PKD1: variants seen among roughly 807,000 people sequenced by gnomAD.
The protein encoded by PKD1 is polycystin 1, transient receptor potential channel interacting.
A neutral mutation model predicts 361.7 loss-of-function variants in PKD1; 81 were observed. The ratio of observed to expected loss-of-function variants is 0.22; its 90% CI spans 0.19 to 0.27. The LOEUF is 0.27. Ranked by LOEUF, PKD1 falls within the 10% of genes least tolerant of loss-of-function variation. PKD1 has a pLI of 1.00. For synonymous variants in PKD1, 3,615 were observed against 2,818.3 expected (o/e 1.28, Z -8.95); for missense variants, 6,399 against 6,118.3 (o/e 1.05, Z -1.53).
At chr16:2,128,791 G>A (rs964429659) in intron 1 of PKD1, among the ~76,000 whole-genome samples, 16 of 151,974 alleles carry the variant, frequency 1.1e-4, no homozygotes, top group African/African-American at 3.1e-4. Context: ...TGCGACCTCT[G>A]CCTCCCAGGT....
rs756347099 is a variant in PKD1 at position 2,103,605 on chromosome 16, T to G, written c.8452A>C (p.Asn2818His). 29 of 1,610,294 alleles carry G rather than the reference T, an allele frequency of 1.8e-5. No individual in the cohort carries two copies. Among genetic ancestry groups the G allele is most frequent in the Non-Finnish European group, 2.3e-5 (27 of 1,179,720 alleles). The change falls in exon 23 of 46, where the codon AAC becomes CAC. Residue 2818 changes from asparagine (N) to histidine (H), a missense_variant. Transcript: ENST00000262304. Reference sequence around the variant, plus strand: ...ATGAGCTGCACCACGTCACTGAGGTTGGCCAGGGCCCCGCTGAAAGCCTCG... The same window carrying G: ...ATGAGCTGCACCACGTCACTGAGGTGGGCCAGGGCCCCGCTGAAAGCCTCG... The part of the protein sequence containing the change: ...IPEAFSGALA[N>H]LSDVVQLIFL...
rs557954091 is a variant in PKD1, at chr16:2,106,173, G to C, written c.7621C>G (p.Pro2541Ala). 10 of 1,609,580 alleles carry C rather than the reference G, an allele frequency of 6.2e-6. No homozygotes were observed. In the East Asian group the frequency reaches 6.7e-5, roughly 11 times the overall value. Residue 2541 changes from proline (P) to alanine (A), a missense_variant, in exon 19 of 46, where the codon CCG (proline) becomes GCG (alanine). Pro to Ala is a conservative substitution (Grantham distance 27). Coordinates refer to ENST00000262304, the MANE Select transcript of PKD1 (RefSeq NM_001009944.3). This position sits in a 1 kb window ranked among gnomAD's most constrained non-coding sequence, Gnocchi z 6.5. ...ACCTCGAAGTGTGGCCTGAAACCCG[G>C]GGGCAGCACGGCTCCGTAGCTGGAG... ...SLSSYGAVLP[P>A]GFRPHFEVGL... is the part of the protein sequence containing the mutation.
At chr16:2,131,559 C>T (rs1359456214) in intron 1 of PKD1, among the ~76,000 whole-genome samples, 1 of 151,940 alleles carries the variant, frequency 6.6e-6, no homozygotes, top group Non-Finnish European at 1.5e-5. Context: ...TCACTCACAC[C>T]TGTAATCCCA....
chr16:2,122,015 T>C (rs183424582), intron 1 of PKD1, among the ~76,000 whole-genome samples: 6 of 152,336 alleles, frequency 3.9e-5, no homozygotes, highest in Non-Finnish European at 7.4e-5. Flanking sequence ...CACAGGAGCC[T>C]ACCCGGCGCA....
intron 1 of PKD1, chr16:2,123,513 C>A (rs1396090151): frequency 4.4e-6 from 2 of 456,428 alleles, no homozygotes; most frequent in Non-Finnish European, 8.8e-6. Context: ...TTTGCCATCG[C>A]CGTTCTGGGG....
In PKD1 at chr16:2,091,179, G is replaced by A. The variant is rs778989685; in HGVS notation, c.11713-5C>T. 2.2e-5 allele frequency: 31 copies of A among 1,404,466 alleles called. No homozygotes were observed. Among genetic ancestry groups the A allele is most frequent in the South Asian group, 1.8e-4 (12 of 68,338 alleles). 87.0% of individuals were successfully genotyped at this position (1,404,466 alleles called of 1,614,324 possible). Reference sequence around the variant, plus strand: ...GGCGAACAGCAGCAGGCACACCTGTGGGGGGCGCGGTCAGGAGGGCGGGAG... The same window carrying A: ...GGCGAACAGCAGCAGGCACACCTGTAGGGGGCGCGGTCAGGAGGGCGGGAG... On this transcript the variant is annotated splice_polypyrimidine_tract_variant and splice_region_variant and intron_variant, in intron 42 of 45. Coordinates refer to ENST00000262304, the MANE Select transcript of PKD1 (RefSeq NM_001009944.3).
In PKD1 at chr16:2,092,036, G is replaced by C; in HGVS notation, c.11411+11C>G. On this transcript the variant is annotated intron_variant, in intron 40 of 45. Coordinates refer to ENST00000262304, the MANE Select transcript of PKD1 (RefSeq NM_001009944.3). ...CTTGGCGTAGACGCCCGGGGCCCTCGCTCTGCTCACCCCAGCAGATCCGGC... is the reference window on the plus strand; with the variant it reads ...CTTGGCGTAGACGCCCGGGGCCCTCCCTCTGCTCACCCCAGCAGATCCGGC... 6.2e-7 allele frequency: 1 copy of C among 1,612,694 alleles called. No homozygotes were observed.
intron 41 of PKD1, 41 bp from the exon 42 acceptor site, chr16:2,091,638 CG>C: frequency 6.4e-7 from 1 of 1,556,278 alleles, no homozygotes; most frequent in Non-Finnish European, 8.6e-7. Context: ...GGTGGCAGGG[CG>C]GGAGCTGCGG....
At position 2,102,917 on chromosome 16, in the gene PKD1, C is replaced by T; in HGVS notation, c.8845G>A (p.Glu2949Lys). Residue 2949 changes from glutamate to lysine, a missense_variant, in exon 24 of 46, where the codon GAG becomes AAG. Transcript: ENST00000262304. ...EPYLAVYLHSEPRPNEHNCSA... is the reference protein window; with the variant it reads ...EPYLAVYLHSKPRPNEHNCSA... Reference sequence around the variant, plus strand: ...CAGTTGTGCTCATTGGGCCGGGGCTCCGAGTGTAGGTAGACTGCCAGGTAG... The same window carrying T: ...CAGTTGTGCTCATTGGGCCGGGGCTTCGAGTGTAGGTAGACTGCCAGGTAG... 3.7e-6 allele frequency: 6 copies of T among 1,609,504 alleles called. No homozygotes were observed. The highest frequency in any genetic ancestry group is 3.4e-6 in the Non-Finnish European group (4 of 1,179,762).
At position 2,109,989 on chromosome 16, in the gene PKD1, G is replaced by T. The variant is rs1488945914; in HGVS notation, c.5178C>A (p.Ser1726=). 6.2e-7 allele frequency: 1 copy of T among 1,609,992 alleles called. No individual in the cohort carries two copies. Among genetic ancestry groups the T allele is most frequent in the Non-Finnish European group, 8.5e-7 (1 of 1,179,470 alleles). ...EPVGWLMVAA[S]PNPAAVNTSV... Reference sequence around the variant, plus strand: ...TTGTGTTGACGGCAGCTGGGTTCGGGGAGGCGGCCACCATCAGCCACCCCA... The same window carrying T: ...TTGTGTTGACGGCAGCTGGGTTCGGTGAGGCGGCCACCATCAGCCACCCCA... The change falls in exon 15 of 46, where the codon TCC becomes TCA. Residue 1726 remains serine, a synonymous_variant. Coordinates refer to ENST00000262304, the MANE Select transcript of PKD1 (RefSeq NM_001009944.3).
At chr16:2,091,725 G>A in intron 41 of PKD1, 56 bp downstream of exon 41, 1 of 1,597,030 alleles carries the variant, frequency 6.3e-7, no homozygotes, top group Non-Finnish European at 8.5e-7. Context: ...AGTGAGGGTG[G>A]GCTCCTGGCT....
intron 1 of PKD1, among the ~76,000 whole-genome samples, chr16:2,122,932 AAAG>A (rs1195647852): frequency 1.3e-5 from 2 of 152,144 alleles, no homozygotes; most frequent in African/African-American, 2.4e-5. Context: ...GGGAGAAAGG[AAAG>A]AAGGAAAAGC....
rs752007034 is a variant in PKD1 at position 2,108,944 on chromosome 16, G to A, written c.6223C>T (p.Arg2075Cys). Residue 2075 changes from arginine to cysteine, a missense_variant, in exon 15 of 46, where the codon CGC (arginine) becomes TGC (cysteine). Physicochemically the swap from Arg to Cys is radical, Grantham distance 180. Transcript: ENST00000262304. ...GTGGCGGCCTCAAACTGCGCCGAGC[G>A]GTTGGTGAAGCAGGGGCCGCTCTGC... is the stretch of plus-strand genomic sequence containing the variant. ...ALQSGPCFTN[R>C]SAQFEAATSP... 84 of 1,605,868 alleles carry A rather than the reference G, an allele frequency of 5.2e-5. No homozygotes were observed. Among genetic ancestry groups the A allele is most frequent in the East Asian group, 2.5e-4 (11 of 44,540 alleles).
chr16:2,095,643 G>A (rs532128507), intron 34 of PKD1, among the ~76,000 whole-genome samples: 6 of 152,326 alleles, frequency 3.9e-5, no homozygotes, highest in African/African-American at 1.4e-4. Flanking sequence ...CACGGGACGC[G>A]CTGGAGGCTG....
At position 2,100,069 on chromosome 16, in the gene PKD1, C is replaced by T. The variant is rs774484157; in HGVS notation, c.9715G>A (p.Asp3239Asn). 22 of 1,600,790 alleles carry T rather than the reference C, an allele frequency of 1.4e-5. No individual in the cohort carries two copies. The highest frequency in any genetic ancestry group is 7.8e-5 in the South Asian group (7 of 89,982). ...LVEKEVLAAS[D>N]AALLRFRRLL... Reference sequence around the variant, plus strand: ...CGCCGGAAGCGCAAAAGGGCTGCGTCGCCTAGAAGGCAGGGAGGGCCGCAC... The same window carrying T: ...CGCCGGAAGCGCAAAAGGGCTGCGTTGCCTAGAAGGCAGGGAGGGCCGCAC... The change falls in exon 29 of 46, where the codon GAC (aspartate) becomes AAC (asparagine). Residue 3239 changes from aspartate (D) to asparagine (N), a missense_variant and splice_region_variant. By Grantham distance (23) the Asp-to-Asn change is conservative. Coordinates refer to ENST00000262304, the MANE Select transcript of PKD1 (RefSeq NM_001009944.3). This position sits in a 1 kb window ranked among gnomAD's most constrained non-coding sequence, Gnocchi z 4.4.
chr16:2,112,244 G>A (rs1567205274), intron 14 of PKD1, 96 bp downstream of exon 14: 3 of 1,086,294 alleles, frequency 2.8e-6, no homozygotes, highest in South Asian at 2.6e-5. Context: ...AGTGAGGGCT[G>A]TTGGGGAGGA....
Position 2,116,024 on chromosome 16 carries a change from C to T in PKD1, c.1817G>A (p.Arg606Gln). 1.3e-6 allele frequency: 2 copies of T among 1,546,380 alleles called. No individual in the cohort carries two copies. The highest frequency in any genetic ancestry group is 1.7e-6 in the Non-Finnish European group (2 of 1,144,992). ...TQELRRPAQL[R>Q]LQVYRLLSTA... is the part of the protein sequence containing the mutation. The stretch of plus-strand genomic sequence containing the variant: ...GCTGAGGAGCCGGTACACCTGCAGC[C>T]GCAGCTGGGCGGGCCGCCGGAGCTC... Residue 606 changes from arginine to glutamine, a missense_variant, in exon 9 of 46, where the codon CGG (arginine) becomes CAG (glutamine). Arg to Gln is a conservative substitution (Grantham distance 43, BLOSUM62 1). Coordinates refer to ENST00000262304, the MANE Select transcript of PKD1 (RefSeq NM_001009944.3).
rs1205029976 is a variant in PKD1 at position 2,113,164 on chromosome 16, G to A, written c.2982C>T (p.Leu994=). Residue 994 remains leucine, a synonymous_variant, in exon 12 of 46, where the codon CTC becomes CTT. Transcript: ENST00000262304. ...VIYQSAAVFK[L]SLTASNHVSN... ...CTCCCCACCCCCGCCCACCTACTGA[G>A]AGCTTGAAGACCGCCGCGCTCTGAT... 1.2e-6 allele frequency: 1 copy of A among 816,986 alleles called. No homozygotes were observed. The highest frequency in any genetic ancestry group is 2.0e-6 in the Non-Finnish European group (1 of 498,144). 50.6% of individuals were successfully genotyped at this position (816,986 alleles called of 1,614,324 possible).
Position 2,090,691 on chromosome 16 carries a change from C to A in PKD1, c.12121G>T (p.Ala4041Ser). ...LGLVVLGVAY[A>S]QLAILLVSSC... Reference sequence around the variant, plus strand: ...TCACCTACCAGGATGGCCAGCTGGGCGTAGGCTACCCCGAGCACCACCAGG... The same window carrying A: ...TCACCTACCAGGATGGCCAGCTGGGAGTAGGCTACCCCGAGCACCACCAGG... Residue 4041 changes from alanine to serine, a missense_variant, in exon 44 of 46, where the codon GCC becomes TCC. Transcript: ENST00000262304. 1.2e-6 allele frequency: 2 copies of A among 1,612,270 alleles called. No homozygotes were observed. The highest frequency in any genetic ancestry group is 8.5e-7 in the Non-Finnish European group (1 of 1,179,932).
Sources: allele counts gnomAD v4.1 joint callset (sites outside exome capture counted in the v4.1 genomes callset), GRCh38; gene constraint gnomAD v4.1.1; non-coding constraint Gnocchi (gnomAD v3.1); transcripts MANE v1.5; gene names NCBI Gene and HGNC (gene_info 2026-07-23, HGNC 2026-07-21).